The following LARGE1 variants were observed in gnomAD, a reference collection of about 807,000 sequenced individuals.
LARGE1 encodes LARGE xylosyl- and glucuronyltransferase 1.
A neutral mutation model predicts 87.6 loss-of-function variants in LARGE1; 43 were observed. That is an observed-to-expected ratio of 0.49 (90% CI 0.38 to 0.63). The LOEUF is 0.63. Ranked by LOEUF, LARGE1 falls within the 30% of genes least tolerant of loss-of-function variation. LARGE1 has a pLI of 0.00. For synonymous variants in LARGE1, 434 were observed against 394.6 expected (o/e 1.10, Z -1.18); for missense variants, 802 against 1,000.2 (o/e 0.80, Z 2.67).
chr22:33,268,865 G>A (rs1022633037), downstream of LARGE1, among the ~76,000 whole-genome samples: 1 of 152,190 alleles, frequency 6.6e-6, no homozygotes, highest in Non-Finnish European at 1.5e-5. Flanking sequence ...ATGTATACAT[G>A]TGGATGGTAA....
chr22:33,539,018 T>C (rs941199746), intron 6 of LARGE1, among the ~76,000 whole-genome samples: 1 of 152,284 alleles, frequency 6.6e-6, no homozygotes, highest in East Asian at 1.9e-4. Flanking sequence ...AAAAGAAATA[T>C]AAAAATTCAC....
At chr22:33,853,789 A>C (rs1478360913) in intron 1 of LARGE1, among the ~76,000 whole-genome samples, 2 of 152,240 alleles carry the variant, frequency 1.3e-5, no homozygotes, top group Non-Finnish European at 2.9e-5. Flanking sequence ...CTGTATCCTC[A>C]AAACCTGCCT....
intron 6 of LARGE1, among the ~76,000 whole-genome samples, chr22:33,441,923 C>T (rs2067494670): frequency 6.6e-6 from 1 of 152,156 alleles, no homozygotes. Flanking sequence ...ATTTTGATTG[C>T]TTGGGTTTCA....
intron 12 of LARGE1, among the ~76,000 whole-genome samples, chr22:33,298,777 G>A (rs1397657993): frequency 1.3e-5 from 2 of 152,090 alleles, no homozygotes; most frequent in South Asian, 2.1e-4. Flanking sequence ...GCTGCAGTAA[G>A]CTATGATTGC....
At chr22:33,632,496 G>A (rs956513965) in intron 3 of LARGE1, among the ~76,000 whole-genome samples, 2 of 152,096 alleles carry the variant, frequency 1.3e-5, no homozygotes, top group African/African-American at 4.8e-5. Flanking sequence ...TGGTCATTGG[G>A]AGGCACCAGT....
At chr22:33,517,564 G>A (rs117229763) in intron 6 of LARGE1, among the ~76,000 whole-genome samples, 2,565 of 152,048 alleles carry the variant, frequency 0.017, 30 homozygotes, top group Non-Finnish European at 0.025. Flanking sequence ...GCACCCGCCC[G>A]GCTAATTTTG....
At chr22:33,411,487 TACATAAACATGCAC>T (rs2066302786) in intron 7 of LARGE1, among the ~76,000 whole-genome samples, 1 of 152,240 alleles carries the variant, frequency 6.6e-6, no homozygotes, top group African/African-American at 2.4e-5. Flanking sequence ...ATCACATGCA[TACATAAACATGCAC>T]ACATCTGTTT....
intron 9 of LARGE1, among the ~76,000 whole-genome samples, chr22:33,362,151 CT>C (rs1407296591): frequency 6.7e-6 from 1 of 149,152 alleles, no homozygotes; most frequent in Admixed American, 6.6e-5. Flanking sequence ...CTTCCCTTCT[CT>C]TTTTAATTTA....
At chr22:33,608,857 A>G (rs2079340957) in intron 4 of LARGE1, among the ~76,000 whole-genome samples, 1 of 152,208 alleles carries the variant, frequency 6.6e-6, no homozygotes, top group Non-Finnish European at 1.5e-5. Context: ...CCAAAGCAGG[A>G]AAGAGATAAT....
chr22:33,834,751 A>G (rs1043457904), intron 1 of LARGE1, among the ~76,000 whole-genome samples: 24 of 152,222 alleles, frequency 1.6e-4, no homozygotes, highest in African/African-American at 5.8e-4. Flanking sequence ...CCCATTCTAT[A>G]GTTTTTACTA....
At chr22:33,431,045 C>A (rs2067061360) in intron 7 of LARGE1, among the ~76,000 whole-genome samples, 1 of 152,218 alleles carries the variant, frequency 6.6e-6, no homozygotes, top group African/African-American at 2.4e-5. Context: ...TCTCACCCAT[C>A]CTACTGTTCC....
chr22:33,370,286 T>C (rs918793856), intron 9 of LARGE1, among the ~76,000 whole-genome samples: 2 of 152,146 alleles, frequency 1.3e-5, no homozygotes, highest in Non-Finnish European at 2.9e-5. Flanking sequence ...CCATAACCAT[T>C]GACTAGCAAA....
At chr22:33,594,100 G>A (rs1413998990) in intron 5 of LARGE1, among the ~76,000 whole-genome samples, 1 of 152,200 alleles carries the variant, frequency 6.6e-6, no homozygotes, top group East Asian at 1.9e-4. Flanking sequence ...GAAGGATTGT[G>A]TTTTAATCCT....
intron 3 of LARGE1, among the ~76,000 whole-genome samples, chr22:33,639,178 C>T (rs555346813): frequency 3.9e-5 from 6 of 152,266 alleles, no homozygotes; most frequent in African/African-American, 9.6e-5. Context: ...CCTAGAGCTG[C>T]CATGCTGTGA....
intron 10 of LARGE1, among the ~76,000 whole-genome samples, chr22:33,325,522 A>T (rs1216927021): frequency 1.3e-5 from 2 of 152,220 alleles, no homozygotes; most frequent in Non-Finnish European, 2.9e-5. Context: ...CAACCTGCAG[A>T]AAAACTACCT....
upstream of LARGE1, among the ~76,000 whole-genome samples, chr22:33,921,276 G>T (rs1170969554): frequency 2.0e-5 from 3 of 152,178 alleles, no homozygotes; most frequent in African/African-American, 7.2e-5. This position sits in a 1 kb window ranked among gnomAD's most constrained non-coding sequence, Gnocchi z 4.1. Flanking sequence ...CCCGGGCCGG[G>T]TCGGGATGAA....
intron 1 of LARGE1, among the ~76,000 whole-genome samples, chr22:33,899,215 G>A (rs2267313): frequency 0.041 from 6,273 of 152,208 alleles, 160 homozygotes; most frequent in East Asian, 0.16. Context: ...CACCTGTGAG[G>A]CACTGACATC....
At chr22:33,289,928 C>T (rs992938098) in intron 12 of LARGE1, among the ~76,000 whole-genome samples, 1 of 151,978 alleles carries the variant, frequency 6.6e-6, no homozygotes, top group African/African-American at 2.4e-5. Flanking sequence ...GCAAAACTGG[C>T]GAGCAGGGGA....
intron 3 of LARGE1, among the ~76,000 whole-genome samples, chr22:33,633,130 C>T (rs12159354): frequency 3.3e-5 from 5 of 152,266 alleles, no homozygotes; most frequent in African/African-American, 1.2e-4. Context: ...CTGTTCTGGG[C>T]TTGGAGGAAA....
Sources: allele counts gnomAD v4.1 joint callset (sites outside exome capture counted in the v4.1 genomes callset), GRCh38; gene constraint gnomAD v4.1.1; non-coding constraint Gnocchi (gnomAD v3.1); transcripts MANE v1.5; gene names NCBI Gene and HGNC (gene_info 2026-07-23, HGNC 2026-07-21).